B4GALT1: variants seen among roughly 807,000 people sequenced by gnomAD.
B4GALT1 encodes the protein N-acetyllactosamine synthase.
B4GALT1 carries 16 observed loss-of-function variants against 34.9 expected under a neutral mutation model. The observed-to-expected ratio is 0.46, with a 90% CI of 0.31 to 0.70. The LOEUF (loss-of-function observed/expected upper bound fraction) is 0.70, where lower values mean the gene tolerates loss of function less well. Ranked by LOEUF, B4GALT1 falls within the 30% of genes least tolerant of loss-of-function variation. The pLI is 0.05. For missense variants in B4GALT1, 445 were observed against 530.5 expected, an observed-to-expected ratio of 0.84 and a Z score of 1.58; for synonymous variants, 221 against 218.1, an observed-to-expected ratio of 1.01 and a Z score of -0.12.
intron 2 of B4GALT1, among the ~76,000 whole-genome samples, chr9:33,122,594 T>C (rs1253428707): frequency 1.3e-5 from 2 of 152,166 alleles, no homozygotes; most frequent in Non-Finnish European, 2.9e-5. Context: ...AATGCACAGA[T>C]GTGCCACAGC....
At chr9:33,172,485 A>C in the B4GALT1 span, among the ~76,000 whole-genome samples, 2 of 152,156 alleles carry the variant, frequency 1.3e-5, no homozygotes, top group African/African-American at 4.8e-5. Context: ...GATTTCAGCC[A>C]GTTCTTTTAT....
chr9:33,113,941 G>T, intron 4 of B4GALT1, 63 bp from the exon 5 acceptor site: 1 of 1,462,168 alleles, frequency 6.8e-7, no homozygotes, highest in Non-Finnish European at 9.6e-7. Context: ...TGAGAGCCCC[G>T]GCTGCAAGAC....
intron 3 of B4GALT1, among the ~76,000 whole-genome samples, chr9:33,119,345 G>T (rs1160317305): frequency 2.0e-5 from 3 of 152,216 alleles, no homozygotes; most frequent in African/African-American, 7.2e-5. Context: ...TTCACTAGGG[G>T]CATTTTGGTG....
At chr9:33,122,059 A>G (rs1023454746) in intron 2 of B4GALT1, among the ~76,000 whole-genome samples, 3 of 152,138 alleles carry the variant, frequency 2.0e-5, no homozygotes, top group Non-Finnish European at 2.9e-5. Context: ...GAGGAAACGA[A>G]CTAAGGCCCA....
chr9:33,166,733 G>T (rs1234222572), intron 1 of B4GALT1, 25 bp downstream of exon 1: 4 of 1,490,838 alleles, frequency 2.7e-6, no homozygotes, highest in Non-Finnish European at 3.5e-6. Context: ...CCAATCCTCC[G>T]ACTGGCGCCG....
At chr9:33,110,201 C>T (rs1394936965), downstream of B4GALT1, among the ~76,000 whole-genome samples, 1 of 152,248 alleles carries the variant, frequency 6.6e-6, no homozygotes, top group East Asian at 1.9e-4. Flanking sequence ...CCTTTTAGAG[C>T]TTATGGTTAC....
At chr9:33,151,703 A>G (rs1840519798) in intron 1 of B4GALT1, among the ~76,000 whole-genome samples, 1 of 152,252 alleles carries the variant, frequency 6.6e-6, no homozygotes, top group Admixed American at 6.5e-5. Context: ...CAGAGCTTAC[A>G]AATTACTACA....
At chr9:33,104,457 A>T (rs1446476396) in exon 3 of B4GALT1, 4 of 209,598 alleles carry the variant, frequency 1.9e-5, no homozygotes, top group Non-Finnish European at 3.9e-5. Flanking sequence ...TTCTCCACCT[A>T]AGCCCCACCT....
intron 2 of B4GALT1, among the ~76,000 whole-genome samples, chr9:33,132,885 ATATTT>A (rs1840214219): frequency 6.6e-6 from 1 of 151,994 alleles, no homozygotes; most frequent in Non-Finnish European, 1.5e-5. Flanking sequence ...ACCCAAGTAT[ATATTT>A]TATTTATTTA....
At position 33,120,752 on chromosome 9, in the gene B4GALT1, G is replaced by C. The variant is rs188312241; in HGVS notation, c.649-146C>G. ...CTGCCGTCACTCTACAATCAACACAGAGTACCAAAACCTCTGAGTCAGCAA... is the reference window on the plus strand; with the variant it reads ...CTGCCGTCACTCTACAATCAACACACAGTACCAAAACCTCTGAGTCAGCAA... On this transcript the variant is annotated intron_variant, in intron 2 of 5. Transcript: ENST00000379731. 1.5e-3 allele frequency: 1,167 copies of C among 800,026 alleles called. 4 individuals are homozygous for C. The highest frequency in any genetic ancestry group is 6.8e-3 in the South Asian group (463 of 68,034). The allele number at this position is 800,026 out of a possible 1,614,324, so 49.6% of individuals were successfully genotyped here.
the B4GALT1 span, among the ~76,000 whole-genome samples, chr9:33,175,181 G>A: frequency 2.7e-5 from 4 of 149,834 alleles, no homozygotes; most frequent in Non-Finnish European, 4.4e-5. Context: ...GGACATGGTG[G>A]TGCATACCTG....
At chr9:33,161,469 G>A (rs1478805888) in intron 1 of B4GALT1, among the ~76,000 whole-genome samples, 1 of 152,130 alleles carries the variant, frequency 6.6e-6, no homozygotes, top group Non-Finnish European at 1.5e-5. Context: ...TACAACTCAG[G>A]TCTCAGGTCT....
chr9:33,128,592 G>A (rs973216385), intron 2 of B4GALT1, among the ~76,000 whole-genome samples: 2 of 152,062 alleles, frequency 1.3e-5, no homozygotes, highest in Admixed American at 6.5e-5. Flanking sequence ...TCCCCACCCC[G>A]GCAAGCTCCA....
At chr9:33,181,125 A>G in the B4GALT1 span, among the ~76,000 whole-genome samples, 1 of 152,110 alleles carries the variant, frequency 6.6e-6, no homozygotes, top group African/African-American at 2.4e-5. Flanking sequence ...TACATCTTTA[A>G]AAGTCTATCC....
intron 2 of B4GALT1, among the ~76,000 whole-genome samples, chr9:33,130,249 C>G (rs1343984483): frequency 6.6e-6 from 1 of 152,152 alleles, no homozygotes; most frequent in African/African-American, 2.4e-5. Flanking sequence ...GCTAGTGCTA[C>G]CAGGTGGTGA....
chr9:33,137,332 C>T (rs1190051112), intron 1 of B4GALT1, among the ~76,000 whole-genome samples: 4 of 152,232 alleles, frequency 2.6e-5, no homozygotes, highest in Non-Finnish European at 5.9e-5. Context: ...CTCAATCAAG[C>T]TTGATCCTTT....
At chr9:33,120,292 C>G (rs942260030) in intron 3 of B4GALT1, 127 bp downstream of exon 3, 6 of 1,029,284 alleles carry the variant, frequency 5.8e-6, no homozygotes, top group Non-Finnish European at 7.5e-6. Flanking sequence ...TACAAAGCAC[C>G]CATTTCTCAG....
intron 1 of B4GALT1, among the ~76,000 whole-genome samples, chr9:33,144,710 C>T (rs528488359): frequency 1.3e-5 from 2 of 152,360 alleles, no homozygotes; most frequent in South Asian, 2.1e-4. Flanking sequence ...ATCAATCAGT[C>T]CCCACTCCAT....
intron 1 of B4GALT1, among the ~76,000 whole-genome samples, chr9:33,143,692 C>T (rs976302613): frequency 4.6e-5 from 7 of 152,324 alleles, no homozygotes; most frequent in Admixed American, 4.6e-4. Context: ...CGCTGGTTTA[C>T]AGGTTCACTT....
Sources: gnomAD v4.1 joint callset for allele counts (sites outside exome capture counted in the v4.1 genomes callset) on GRCh38, gnomAD v4.1.1 for gene constraint, MANE v1.5 for transcripts, NCBI Gene and HGNC (gene_info 2026-07-23, HGNC 2026-07-21) for gene names.